GDA: variants seen among roughly 807,000 people sequenced by gnomAD.
GDA encodes guanine deaminase, also known as cytoplasmic PSD-95 interactor.
In GDA, 18 loss-of-function variants were observed where a neutral mutation model predicts 59.6. The ratio of observed to expected loss-of-function variants is 0.30; its 90% confidence interval spans 0.21 to 0.45. GDA has a LOEUF of 0.45. GDA is among the 20% of genes least tolerant of loss of function. GDA has a pLI of 1.00. For missense variants in GDA, 427 were observed against 552.3 expected (o/e 0.77, Z 2.27); for synonymous variants, 201 against 201.1 (o/e 1.00, Z 0.00).
At chr9:72,145,203 G>C (rs7850131), upstream of GDA, among the ~76,000 whole-genome samples, 1 of 152,154 alleles carries the variant, frequency 6.6e-6, no homozygotes, top group Admixed American at 6.5e-5. Flanking sequence ...CTGCAGGCTA[G>C]ATCTGAGTGT....
chr9:72,235,154 A>G (rs1349683515), intron 10 of GDA, among the ~76,000 whole-genome samples: 2 of 152,218 alleles, frequency 1.3e-5, no homozygotes, highest in African/African-American at 4.8e-5. Flanking sequence ...AAATGAAAGT[A>G]AAAGCCAAAA....
chr9:72,242,626 G>A (rs571305956), intron 11 of GDA, among the ~76,000 whole-genome samples: 1 of 152,308 alleles, frequency 6.6e-6, no homozygotes, highest in African/African-American at 2.4e-5. Context: ...GGACTATGAT[G>A]AACACCATAA....
intron 1 of GDA, among the ~76,000 whole-genome samples, chr9:72,175,349 A>G (rs187988284): frequency 1.3e-5 from 2 of 152,180 alleles, no homozygotes; most frequent in East Asian, 3.9e-4. Flanking sequence ...GGTTCTATTC[A>G]GGGGGTACGA....
intron 1 of GDA, among the ~76,000 whole-genome samples, chr9:72,128,856 C>T (rs1305399261): frequency 4.0e-5 from 6 of 151,512 alleles, no homozygotes; most frequent in African/African-American, 1.5e-4. Context: ...TATACAAATA[C>T]ACTTCTCAGA....
intron 10 of GDA, among the ~76,000 whole-genome samples, chr9:72,236,941 A>C (rs548549292): frequency 6.6e-6 from 1 of 151,934 alleles, no homozygotes; most frequent in South Asian, 2.1e-4. Flanking sequence ...CACCACATCC[A>C]GCTAATTTTT....
At chr9:72,154,642 G>A (rs1399403376) in intron 1 of GDA, among the ~76,000 whole-genome samples, 2 of 152,200 alleles carry the variant, frequency 1.3e-5, no homozygotes, top group South Asian at 2.1e-4. Flanking sequence ...GCTATCTTTA[G>A]TATCTCTTTT....
chr9:72,216,378 T>C (rs1836112712), intron 5 of GDA, among the ~76,000 whole-genome samples: 1 of 152,122 alleles, frequency 6.6e-6, no homozygotes, highest in Non-Finnish European at 1.5e-5. Context: ...AAAAACTGGG[T>C]CACCAAGGCC....
At chr9:72,128,524 A>G (rs1227803888) in intron 1 of GDA, among the ~76,000 whole-genome samples, 1 of 152,196 alleles carries the variant, frequency 6.6e-6, no homozygotes, top group Non-Finnish European at 1.5e-5. Flanking sequence ...ATAATAATGG[A>G]AGATAGATAC....
intron 1 of GDA, among the ~76,000 whole-genome samples, chr9:72,129,125 G>A (rs758633278): frequency 6.6e-6 from 1 of 151,964 alleles, no homozygotes; most frequent in Non-Finnish European, 1.5e-5. Flanking sequence ...ACCACATCCC[G>A]CTAATTTTTG....
rs943568233 is a variant in GDA at position 72,187,401 on chromosome 9, C to T, written c.124-8099C>T. Among the ~76,000 whole-genome samples the T allele has an allele frequency of 5.7e-4, 87 of 152,314 alleles. 1 individual carries two copies. Among genetic ancestry groups the T allele is most frequent in the African/African-American group, 2.1e-3 (86 of 41,568 alleles). The stretch of plus-strand genomic sequence containing the variant: ...CTCGAGTGCTTCCCTCTTTCACATG[C>T]TCTTGCCTGCCCTTCCACCTTTCTG... On this transcript the variant is annotated intron_variant, in intron 1 of 13. Transcript: ENST00000358399.
chr9:72,131,944 G>A (rs538019043), intron 1 of GDA, among the ~76,000 whole-genome samples: 5 of 152,266 alleles, frequency 3.3e-5, no homozygotes, highest in African/African-American at 9.6e-5. Context: ...CAATCATGAC[G>A]GAAGGCAAGA....
At chr9:72,125,459 T>C (rs1469326548) in intron 1 of GDA, among the ~76,000 whole-genome samples, 1 of 151,790 alleles carries the variant, frequency 6.6e-6, no homozygotes, top group Admixed American at 6.6e-5. Flanking sequence ...CAGGCTCAAG[T>C]GATCCTCCCG....
chr9:72,237,736 G>C (rs1380531199), intron 10 of GDA, among the ~76,000 whole-genome samples: 5 of 152,234 alleles, frequency 3.3e-5, no homozygotes, highest in South Asian at 4.1e-4. Flanking sequence ...CTCTAAAATA[G>C]CTCTCCTTTT....
intron 4 of GDA, among the ~76,000 whole-genome samples, chr9:72,211,463 A>G (rs1049463988): frequency 3.3e-5 from 5 of 152,214 alleles, no homozygotes; most frequent in African/African-American, 1.2e-4. Context: ...CGGGTTGATG[A>G]TTCCAAAACT....
chr9:72,203,983 A>G (rs999192860), intron 3 of GDA, among the ~76,000 whole-genome samples: 2 of 151,798 alleles, frequency 1.3e-5, no homozygotes, highest in African/African-American at 4.8e-5. Context: ...CACCCAGCTA[A>G]TTTTTCTATT....
chr9:72,116,468 C>T (rs1356443007), intron 1 of GDA, among the ~76,000 whole-genome samples: 3 of 148,484 alleles, frequency 2.0e-5, no homozygotes, highest in Non-Finnish European at 3.0e-5. Flanking sequence ...CTGCAACCTC[C>T]GCCTCCTGGG....
At chr9:72,124,679 T>C (rs1314018316) in intron 1 of GDA, among the ~76,000 whole-genome samples, 2 of 152,196 alleles carry the variant, frequency 1.3e-5, no homozygotes. Context: ...GAAGGAGTTT[T>C]CTTTTTTTTT....
downstream of GDA, among the ~76,000 whole-genome samples, chr9:72,259,552 A>T (rs984787782): frequency 2.0e-5 from 3 of 152,200 alleles, no homozygotes; most frequent in Non-Finnish European, 4.4e-5. Context: ...GCTGATTGCC[A>T]GCAAAATGTC....
chr9:72,213,659 C>T (rs556454902), intron 4 of GDA, among the ~76,000 whole-genome samples: 19 of 151,512 alleles, frequency 1.3e-4, no homozygotes, highest in African/African-American at 3.4e-4. Flanking sequence ...AAAAATTAGC[C>T]GGGCGCGGTG....
Sources: gnomAD v4.1 joint callset for allele counts (sites outside exome capture counted in the v4.1 genomes callset) on GRCh38, gnomAD v4.1.1 for gene constraint, MANE v1.5 for transcripts, NCBI Gene and HGNC (gene_info 2026-07-23, HGNC 2026-07-21) for gene names.